TMEM63C: variants seen among roughly 807,000 people sequenced by gnomAD.
TMEM63C encodes osmosensitive cation channel TMEM63C.
A neutral mutation model predicts 99.2 loss-of-function variants in TMEM63C; 32 were observed. That is an observed-to-expected ratio of 0.32 (90% confidence interval 0.24 to 0.43). The LOEUF (loss-of-function observed/expected upper bound fraction) is 0.43. Ranked by LOEUF, TMEM63C falls within the 20% of genes least tolerant of loss-of-function variation. TMEM63C has a pLI of 1.00. For missense variants in TMEM63C, 826 were observed against 1,053.0 expected (o/e 0.78, Z 2.98); for synonymous variants, 376 against 397.9 (o/e 0.94, Z 0.66).
chr14:77,243,722 A>G (rs946398488), intron 15 of TMEM63C, among the ~76,000 whole-genome samples: 1 of 152,138 alleles, frequency 6.6e-6, no homozygotes, highest in African/African-American at 2.4e-5. Context: ...CTCTTCTTCC[A>G]TATTCTCGCC....
rs1436765143 is a variant in TMEM63C, at chr14:77,231,680, T to G, written c.443T>G (p.Ile148Ser). ...HLIIFVLIICIPSLGIILPIN... is the reference protein window; with the variant it reads ...HLIIFVLIICSPSLGIILPIN... ...ATCATCTTTGTGCTCATCATCTGTA[T>G]CCCCTCCCTGGGCATCATTTTGCCC... is the stretch of plus-strand genomic sequence containing the variant. Residue 148 changes from isoleucine to serine, a missense_variant, in exon 7 of 24, where the codon ATC becomes AGC. Ile to Ser is a moderately radical substitution (Grantham distance 142, BLOSUM62 -2). Coordinates refer to ENST00000298351, the MANE Select transcript of TMEM63C (RefSeq NM_020431.4). The G allele has an allele frequency of 6.4e-7, 1 of 1,551,676 alleles. No individual in the cohort carries two copies. The highest frequency in any genetic ancestry group is 2.0e-5 in the Admixed American group (1 of 50,996).
Position 77,246,013 on chromosome 14 carries a change from A to T in TMEM63C, c.1522A>T (p.Met508Leu), listed in dbSNP as rs369735345. The T allele has an allele frequency of 6.2e-7, 1 of 1,613,256 alleles. No homozygotes were observed. The highest frequency in any genetic ancestry group is 1.3e-5 in the African/African-American group (1 of 74,886). Residue 508 changes from methionine to leucine, a missense_variant, in exon 17 of 24, where the codon ATG (methionine) becomes TTG (leucine). Met to Leu is a conservative substitution (Grantham distance 15). Coordinates refer to ENST00000298351, the MANE Select transcript of TMEM63C (RefSeq NM_020431.4). ...GTTCATGGTAGTCATTCTGCCCTCTATGGGACTGACCAGGTACCTCACTTC... is the reference window on the plus strand; with the variant it reads ...GTTCATGGTAGTCATTCTGCCCTCTTTGGGACTGACCAGGTACCTCACTTC... Reference protein sequence around the residue: ...LVFMVVILPSMGLTSLDVFLR... With the variant: ...LVFMVVILPSLGLTSLDVFLR...
chr14:77,219,444 A>G (rs2140108870), intron 3 of TMEM63C, 54 bp from the exon 4 acceptor site: 1 of 1,590,472 alleles, frequency 6.3e-7, no homozygotes, highest in Non-Finnish European at 8.6e-7. Flanking sequence ...GGGCCAGCCA[A>G]GGGGAAGGGA....
intron 2 of TMEM63C, among the ~76,000 whole-genome samples, chr14:77,215,614 A>AAGAAAGAAAAGAAAAGAAAAG (rs1555347250): frequency 1.3e-5 from 1 of 76,528 alleles, no homozygotes; most frequent in South Asian, 5.9e-4. Context: ...AAAAAAAAAA[A>AAGAAAGAAAAGAAAAGAAAAG]AAAAGAAAAG....
chr14:77,218,803 ATCC>A lies in TMEM63C; in HGVS notation c.-7_-5del. On this transcript the variant is annotated 5_prime_UTR_variant, in exon 3 of 24. Coordinates refer to ENST00000298351, the MANE Select transcript of TMEM63C (RefSeq NM_020431.4). ...CCTGGATGCCCTCTGTTTCCCAGGGATCCTCCCAGGATGTCTGCCTCACCAGAC... is the reference window on the plus strand; with the variant it reads ...CCTGGATGCCCTCTGTTTCCCAGGGATCCCAGGATGTCTGCCTCACCAGAC... 6.2e-7 allele frequency: 1 copy of A among 1,612,546 alleles called. No individual in the cohort carries two copies. The highest frequency in any genetic ancestry group is 8.5e-7 in the Non-Finnish European group (1 of 1,179,392).
At chr14:77,255,207 T>C (rs1889441337) in intron 23 of TMEM63C, among the ~76,000 whole-genome samples, 1 of 152,238 alleles carries the variant, frequency 6.6e-6, no homozygotes, top group South Asian at 2.1e-4. Context: ...GCCAGGCTGG[T>C]CTCGAACTTC....
intron 18 of TMEM63C, 54 bp downstream of exon 18, chr14:77,246,728 T>C: frequency 2.1e-6 from 3 of 1,456,718 alleles, no homozygotes; most frequent in Non-Finnish European, 2.9e-6. Context: ...CAGGAGTGGT[T>C]ATATGTGCTC....
chr14:77,249,861 A>T (rs1366032740), intron 21 of TMEM63C, among the ~76,000 whole-genome samples: 4 of 152,098 alleles, frequency 2.6e-5, no homozygotes, highest in African/African-American at 9.7e-5. Context: ...TTGAATCAGA[A>T]TCTTGCTCTG....
At chr14:77,256,268 A>AC (rs1440540284) in intron 23 of TMEM63C, among the ~76,000 whole-genome samples, 1 of 152,222 alleles carries the variant, frequency 6.6e-6, no homozygotes, top group East Asian at 1.9e-4. Flanking sequence ...TGAATGGGAC[A>AC]TGTTCTAAAG....
At chr14:77,237,613 A>G (rs768634815) in intron 9 of TMEM63C, among the ~76,000 whole-genome samples, 1 of 152,146 alleles carries the variant, frequency 6.6e-6, no homozygotes, top group Non-Finnish European at 1.5e-5. Flanking sequence ...CTCCCTGTCC[A>G]CCGTTCATTG....
chr14:77,255,693 T>G (rs868395381), intron 23 of TMEM63C, among the ~76,000 whole-genome samples: 2 of 152,238 alleles, frequency 1.3e-5, no homozygotes, highest in Non-Finnish European at 2.9e-5. Flanking sequence ...TCCTGTTAAT[T>G]CCCATTCATT....
chr14:77,240,370 C>G, intron 12 of TMEM63C, 105 bp from the exon 13 acceptor site: 1 of 1,387,384 alleles, frequency 7.2e-7, no homozygotes, highest in Non-Finnish European at 9.5e-7. Flanking sequence ...TGAGGTGCTT[C>G]AAGGCCACCA....
At chr14:77,184,682 T>C (rs993981314) in intron 1 of TMEM63C, among the ~76,000 whole-genome samples, 3 of 152,164 alleles carry the variant, frequency 2.0e-5, no homozygotes, top group Non-Finnish European at 4.4e-5. Context: ...GGGGCCCCAA[T>C]GCTCACTCTT....
chr14:77,239,722 A>G lies in TMEM63C; in HGVS notation c.926A>G (p.Lys309Arg), dbSNP rs2140124862. 1 of 1,613,066 alleles carries G rather than the reference A, an allele frequency of 6.2e-7. No individual in the cohort carries two copies. Among genetic ancestry groups the G allele is most frequent in the East Asian group, 2.2e-5 (1 of 44,878 alleles). The change falls in exon 12 of 24, where the codon AAG becomes AGG. Residue 309 changes from lysine to arginine, a missense_variant. Coordinates refer to ENST00000298351, the MANE Select transcript of TMEM63C (RefSeq NM_020431.4). ...LCFCKCWTCF[K>R]EVDAEQYYSE... is the part of the protein sequence containing the mutation. ...TTCTGCAAGTGCTGGACCTGCTTCA[A>G]GGAGGTAACTGGCTTGAGCGTTGGG...
chr14:77,183,989 G>A (rs1010724343), intron 1 of TMEM63C, among the ~76,000 whole-genome samples: 5 of 152,206 alleles, frequency 3.3e-5, no homozygotes, highest in African/African-American at 9.6e-5. Flanking sequence ...GAGCTGGACC[G>A]AGTGCCTCTA....
Position 77,240,576 on chromosome 14 carries a change from T to C in TMEM63C, c.1032T>C (p.Phe344=). ...RVPLKRLDLI[F]VTFQDSRMAK... ...CGCTCAAGCGGCTGGACCTGATCTT[T>C]GTCACCTTCCAGGACTCCAGGATGG... The change falls in exon 13 of 24, where the codon TTT becomes TTC. Residue 344 remains phenylalanine (F), a synonymous_variant. Transcript: ENST00000298351. The C allele has an allele frequency of 6.2e-7, 1 of 1,611,292 alleles. No homozygotes were observed. Among genetic ancestry groups the C allele is most frequent in the Non-Finnish European group, 8.5e-7 (1 of 1,179,864 alleles).
intron 8 of TMEM63C, among the ~76,000 whole-genome samples, chr14:77,235,734 C>G (rs559072790): frequency 5.7e-4 from 1 of 1,740 alleles, no homozygotes; most frequent in African/African-American, 4.5e-3. Flanking sequence ...ACTGTGATGG[C>G]TGGGGGTATG....
intron 8 of TMEM63C, among the ~76,000 whole-genome samples, chr14:77,234,939 A>G (rs916427395): frequency 6.6e-6 from 1 of 152,104 alleles, no homozygotes; most frequent in Non-Finnish European, 1.5e-5. Context: ...GCAGTGATGA[A>G]TCTAAGTACT....
rs780077882 is a variant in TMEM63C, at chr14:77,220,045, A to G, written c.270A>G (p.Thr90=). 2.9e-5 allele frequency: 46 copies of G among 1,562,262 alleles called. No homozygotes were observed. Among genetic ancestry groups the G allele is most frequent in the Non-Finnish European group, 3.8e-5 (44 of 1,153,186 alleles). ...TCTATGGGGAGCAGAGCGAGAAGAC[A>G]TCTCCCTCGGAGACTTCCTTGGAGA... ...SLIYGEQSEK[T]SPSETSLEME... The change falls in exon 5 of 24, where the codon ACA becomes ACG. Residue 90 remains threonine, a synonymous_variant. Transcript: ENST00000298351.
Sources: allele counts gnomAD v4.1 joint callset (sites outside exome capture counted in the v4.1 genomes callset), GRCh38; gene constraint gnomAD v4.1.1; transcripts MANE v1.5; gene names NCBI Gene and HGNC (gene_info 2026-07-23, HGNC 2026-07-21).